Variants in CNTLN observed in about 807,000 individuals in gnomAD.
CNTLN encodes centlein.
Under a neutral mutation model 180.0 loss-of-function variants are expected in CNTLN, and 212 were observed. That is an observed-to-expected ratio of 1.18 (90% CI 1.05 to 1.32). The LOEUF (loss-of-function observed/expected upper bound fraction) is 1.32. Among genes scored for constraint, CNTLN ranks in the 40% most tolerant of loss-of-function variants. The pLI, the probability that CNTLN is intolerant of heterozygous loss-of-function variation, is 0.00. For missense variants in CNTLN, 2,095 were observed against 1,610.9 expected (o/e 1.30, Z -5.14); for synonymous variants, 722 against 563.1 (o/e 1.28, Z -3.99).
At chr9:17,207,034 C>A (rs1285915366) in intron 2 of CNTLN, among the ~76,000 whole-genome samples, 1 of 152,126 alleles carries the variant, frequency 6.6e-6, no homozygotes, top group African/African-American at 2.4e-5. Flanking sequence ...TGTTGCTTCC[C>A]AGTCTGGTGG....
chr9:17,344,493 G>C (rs1821724149), intron 12 of CNTLN, among the ~76,000 whole-genome samples: 1 of 152,062 alleles, frequency 6.6e-6, no homozygotes, highest in Admixed American at 6.6e-5. Flanking sequence ...ATTTATTCAG[G>C]TAACAAACCT....
chr9:17,525,361 A>G, the CNTLN span, among the ~76,000 whole-genome samples: 4 of 152,188 alleles, frequency 2.6e-5, no homozygotes, highest in African/African-American at 4.8e-5. Flanking sequence ...TGGGTACTGG[A>G]AAGTGTTTTT....
intron 6 of CNTLN, among the ~76,000 whole-genome samples, chr9:17,283,384 T>C (rs1828782152): frequency 6.6e-6 from 1 of 152,186 alleles, no homozygotes; most frequent in South Asian, 2.1e-4. Flanking sequence ...TCATTCATGA[T>C]TGGGCTCTCT....
the CNTLN span, among the ~76,000 whole-genome samples, chr9:17,513,949 G>C: frequency 1.3e-5 from 2 of 152,116 alleles, no homozygotes; most frequent in Admixed American, 6.5e-5. Flanking sequence ...AATAGGTACA[G>C]GTCAATTTTA....
At chr9:17,237,274 TA>T (rs11366076) in intron 5 of CNTLN, among the ~76,000 whole-genome samples, 34,310 of 136,120 alleles carry the variant, frequency 0.25, 4,790 homozygotes, top group East Asian at 0.6. Context: ...CATTTTTTTT[TA>T]AACTATAGAT....
At chr9:17,284,059 T>A (rs1828826495) in intron 6 of CNTLN, among the ~76,000 whole-genome samples, 1 of 152,086 alleles carries the variant, frequency 6.6e-6, no homozygotes, top group African/African-American at 2.4e-5. Context: ...TTCGCTCATG[T>A]TTCCCAGGCT....
chr9:17,372,597 G>A (rs1824416772), intron 13 of CNTLN, among the ~76,000 whole-genome samples: 1 of 152,134 alleles, frequency 6.6e-6, no homozygotes, highest in Non-Finnish European at 1.5e-5. Flanking sequence ...AAAGGTAGAA[G>A]AGGAGGGAAT....
chr9:17,237,436 A>G lies in CNTLN; in HGVS notation c.849+848A>G, dbSNP rs148729576. ...AGTCAACAGTTACAAGCAGTTGACC[A>G]TATGTATCTGCAGGTTCTGTATCAG... On this transcript the variant is annotated intron_variant, in intron 5 of 25. Coordinates refer to ENST00000380647, the MANE Select transcript of CNTLN (RefSeq NM_017738.4). 9.7e-4 allele frequency among the ~76,000 whole-genome samples: 147 copies of G among 150,908 alleles called. No homozygotes were observed. In the Middle Eastern group the frequency reaches 0.034, roughly 35 times the overall value.
intron 18 of CNTLN, among the ~76,000 whole-genome samples, chr9:17,428,190 T>G (rs1297829338): frequency 6.6e-6 from 1 of 152,070 alleles, no homozygotes; most frequent in Non-Finnish European, 1.5e-5. Flanking sequence ...ACTTTCAGGT[T>G]TATTAGGAGT....
intron 8 of CNTLN, among the ~76,000 whole-genome samples, chr9:17,325,537 C>T (rs1377321547): frequency 3.0e-5 from 4 of 131,540 alleles, no homozygotes; most frequent in African/African-American, 5.6e-5. Flanking sequence ...ATGTTATATA[C>T]ACATGTAACA....
intron 18 of CNTLN, among the ~76,000 whole-genome samples, chr9:17,425,160 T>C (rs1465211439): frequency 6.6e-6 from 1 of 152,150 alleles, no homozygotes. Context: ...ACAAAATTGG[T>C]TTCAAGAGTT....
At chr9:17,156,960 A>G (rs1338093212) in intron 2 of CNTLN, among the ~76,000 whole-genome samples, 1 of 152,228 alleles carries the variant, frequency 6.6e-6, no homozygotes, top group Admixed American at 6.5e-5. Context: ...TTAAATTTGT[A>G]ATTATGTAGA....
intron 8 of CNTLN, among the ~76,000 whole-genome samples, chr9:17,317,081 A>G (rs1178595402): frequency 6.6e-6 from 1 of 151,844 alleles, no homozygotes; most frequent in African/African-American, 2.4e-5. Flanking sequence ...TCATGTCGTT[A>G]TCATTGGGTT....
chr9:17,431,236 A>G (rs1451214522), intron 18 of CNTLN, among the ~76,000 whole-genome samples: 1 of 152,064 alleles, frequency 6.6e-6, no homozygotes, highest in Non-Finnish European at 1.5e-5. Context: ...CTTTTTGATA[A>G]CAGCCATTTT....
In CNTLN at chr9:17,394,836, A is replaced by C; in HGVS notation, c.2382A>C (p.Pro794=). 6.2e-7 allele frequency: 1 copy of C among 1,613,994 alleles called. No individual in the cohort carries two copies. Among genetic ancestry groups the C allele is most frequent in the Non-Finnish European group, 8.5e-7 (1 of 1,179,962 alleles). ...ATGAAAATGAAGAGCTGATCAACCC[A>C]ATGGAGAAATCACACCAGTCAGCAG... ...LRNENEELIN[P]MEKSHQSADR... The change falls in exon 15 of 26, where the codon CCA becomes CCC. Residue 794 remains proline, a synonymous_variant. Coordinates refer to ENST00000380647, the MANE Select transcript of CNTLN (RefSeq NM_017738.4).
intron 5 of CNTLN, among the ~76,000 whole-genome samples, chr9:17,263,431 C>A (rs1008557588): frequency 6.6e-6 from 1 of 151,070 alleles, no homozygotes; most frequent in Non-Finnish European, 1.5e-5. Context: ...TTTTCTTAAT[C>A]CAGTCTGTCT....
intron 12 of CNTLN, among the ~76,000 whole-genome samples, chr9:17,358,982 A>G (rs1444258576): frequency 9.2e-5 from 14 of 152,210 alleles, no homozygotes; most frequent in African/African-American, 3.1e-4. Context: ...GTGACTTTGT[A>G]GTAGGCCAAT....
intron 5 of CNTLN, among the ~76,000 whole-genome samples, chr9:17,249,823 A>G (rs1826033211): frequency 6.7e-6 from 1 of 149,652 alleles, no homozygotes; most frequent in Non-Finnish European, 1.5e-5. Context: ...TGAATGTTTC[A>G]TATGTACTTG....
At chr9:17,240,277 C>T (rs1356075420) in intron 5 of CNTLN, among the ~76,000 whole-genome samples, 1 of 152,062 alleles carries the variant, frequency 6.6e-6, no homozygotes, top group Non-Finnish European at 1.5e-5. Flanking sequence ...TGTATACATA[C>T]ACAATTGAGT....
Sources: allele counts gnomAD v4.1 joint callset (sites outside exome capture counted in the v4.1 genomes callset), GRCh38; gene constraint gnomAD v4.1.1; transcripts MANE v1.5; gene names NCBI Gene and HGNC (gene_info 2026-07-23, HGNC 2026-07-21).